Variants in WDFY4 observed in about 807,000 individuals in gnomAD.
The protein encoded by WDFY4 is WD repeat- and FYVE domain-containing protein 4.
In WDFY4, 169 loss-of-function variants were observed where a neutral mutation model predicts 351.9. That is an observed-to-expected ratio of 0.48 (90% confidence interval 0.42 to 0.55). WDFY4 has a LOEUF of 0.55. Among genes scored for constraint, WDFY4 ranks in the 20% least tolerant of loss-of-function variants. WDFY4 has a pLI of 0.00. For synonymous variants in WDFY4, 1,622 were observed against 1,574.6 expected (o/e 1.03, Z -0.71); for missense variants, 3,803 against 3,935.6 (o/e 0.97, Z 0.90).
At chr10:48,966,137 A>T (rs1408742845) in intron 54 of WDFY4, among the ~76,000 whole-genome samples, 1 of 152,178 alleles carries the variant, frequency 6.6e-6, no homozygotes, top group Non-Finnish European at 1.5e-5. Flanking sequence ...GAAAACTATG[A>T]GAAATAGGTT....
intron 24 of WDFY4, among the ~76,000 whole-genome samples, chr10:48,800,794 G>A (rs1188996606): frequency 6.9e-6 from 1 of 144,664 alleles, no homozygotes; most frequent in East Asian, 2.2e-4. Context: ...GGGCAGTGGT[G>A]CGATCTCAGC....
rs2066011739 is a variant in WDFY4 at position 48,775,772 on chromosome 10, A to C, written c.2829A>C (p.Ser943=). 6.4e-7 allele frequency: 1 copy of C among 1,551,650 alleles called. No individual in the cohort carries two copies. Among genetic ancestry groups the C allele is most frequent in the African/African-American group, 1.4e-5 (1 of 73,062 alleles). ...CGGCCACAACAAAAATCCTTGATTC[A>C]TCTCACACACACAGAGGCAACCCTG... ...SLSATTKILD[S]SHTHRGNPGC... is the part of the protein sequence containing the mutation. Residue 943 remains serine, a synonymous_variant, in exon 15 of 62, where the codon TCA becomes TCC. Coordinates refer to ENST00000325239, the MANE Select transcript of WDFY4 (RefSeq NM_001394531.1).
At chr10:48,820,801 G>T (rs982144006) in intron 33 of WDFY4, among the ~76,000 whole-genome samples, 1 of 152,114 alleles carries the variant, frequency 6.6e-6, no homozygotes, top group Admixed American at 6.5e-5. Context: ...TCCCAGGGCC[G>T]GCCCCACCTG....
chr10:48,705,575 G>C (rs1220429972), intron 1 of WDFY4, among the ~76,000 whole-genome samples: 1 of 152,202 alleles, frequency 6.6e-6, no homozygotes. Context: ...TAAAACTGGA[G>C]CAGGTGTGGC....
chr10:48,725,973 T>G lies in WDFY4; in HGVS notation c.684T>G (p.Leu228=). The change falls in exon 6 of 62, where the codon CTT becomes CTG. Residue 228 remains leucine, a synonymous_variant. Coordinates refer to ENST00000325239, the MANE Select transcript of WDFY4 (RefSeq NM_001394531.1). ...LQSLLIATTC[L]REHSCCFWKE... is the part of the protein sequence containing the mutation. Reference sequence around the variant, plus strand: ...CTCTGCTGATTGCCACGACCTGCCTTCGGGAGCACAGCTGCTGCTTCTGGA... The same window carrying G: ...CTCTGCTGATTGCCACGACCTGCCTGCGGGAGCACAGCTGCTGCTTCTGGA... The G allele has an allele frequency of 6.4e-7, 1 of 1,551,746 alleles. No homozygotes were observed. Among genetic ancestry groups the G allele is most frequent in the Non-Finnish European group, 8.7e-7 (1 of 1,147,008 alleles).
At chr10:48,769,391 C>A (rs1163417295) in intron 13 of WDFY4, among the ~76,000 whole-genome samples, 1 of 152,236 alleles carries the variant, frequency 6.6e-6, no homozygotes, top group East Asian at 1.9e-4. Context: ...TCAAGTAAAG[C>A]TCATCCGTAG....
chr10:48,976,918 AG>A lies in WDFY4; in HGVS notation c.9233del (p.Gly3078AlafsTer27). ...GCCATAACCTGCTGCTGCCTGATGG[AG>A]GGCCCAGCATGGGACACAAGCCAGA... Reference protein sequence around the residue: ...EGAITCCCLMEGPAWDTSQII... With the variant: ...EGAITCCCLMXGPAWDTSQII... On this transcript the variant is annotated frameshift_variant, in exon 59 of 62. Transcript: ENST00000325239. LOFTEE classifies it high-confidence loss of function. 1 of 1,536,472 alleles carries A rather than the reference AG, an allele frequency of 6.5e-7. No homozygotes were observed.
At chr10:48,826,546 A>C in intron 35 of WDFY4, 125 bp from the exon 36 acceptor site, 2 of 675,714 alleles carry the variant, frequency 3.0e-6, no homozygotes, top group Non-Finnish European at 5.1e-6. Context: ...TGAATCTATA[A>C]ATTACTTTGG....
intron 26 of WDFY4, among the ~76,000 whole-genome samples, chr10:48,805,737 T>G (rs2067232031): frequency 6.6e-6 from 1 of 152,180 alleles, no homozygotes; most frequent in Non-Finnish European, 1.5e-5. Flanking sequence ...TCCTGCAGAC[T>G]CCTGAAGAGC....
rs1645083083 is a variant in WDFY4 at position 48,725,288 on chromosome 10, G to C, written c.592-593G>C. On this transcript the variant is annotated intron_variant, in intron 5 of 61. Transcript: ENST00000325239. ...TGGACCCCCAAGAGCCCAGGGGGGA[G>C]CTGCAGTGGATAAAGTGAGTGAGAA... 3.3e-5 allele frequency among the ~76,000 whole-genome samples: 5 copies of C among 152,324 alleles called. No homozygotes were observed. The South Asian group carries it at 1.0e-3, about 32-fold the overall frequency.
intron 47 of WDFY4, among the ~76,000 whole-genome samples, chr10:48,933,982 A>T (rs892273404): frequency 6.6e-6 from 1 of 152,096 alleles, no homozygotes; most frequent in East Asian, 1.9e-4. Flanking sequence ...GCAGACAACC[A>T]CAGGGCTCAG....
chr10:48,706,173 G>A (rs929001253), intron 1 of WDFY4, among the ~76,000 whole-genome samples: 4 of 152,204 alleles, frequency 2.6e-5, no homozygotes, highest in African/African-American at 4.8e-5. Context: ...CCATCAGCAC[G>A]TAGGTTAATT....
At chr10:48,803,544 G>A (rs552509594) in intron 25 of WDFY4, among the ~76,000 whole-genome samples, 185 bp downstream of exon 25, 1 of 152,240 alleles carries the variant, frequency 6.6e-6, no homozygotes, top group Non-Finnish European at 1.5e-5. Flanking sequence ...GCCTCAGGAG[G>A]GCAGATGCTG....
chr10:48,876,817 A>C (rs2070032189), intron 42 of WDFY4, among the ~76,000 whole-genome samples: 1 of 152,232 alleles, frequency 6.6e-6, no homozygotes, highest in Non-Finnish European at 1.5e-5. Flanking sequence ...CTCCAGGATA[A>C]GTCAACTGGA....
chr10:48,834,278 A>T (rs113659751), intron 39 of WDFY4, among the ~76,000 whole-genome samples: 3 of 152,214 alleles, frequency 2.0e-5, no homozygotes, highest in Non-Finnish European at 4.4e-5. Context: ...TCTGAAAAAA[A>T]AAAAGAAAGT....
rs1283839760 is a variant in WDFY4 at position 48,966,631 on chromosome 10, T to A, written c.8542T>A (p.Tyr2848Asn). 2 of 1,551,904 alleles carry A rather than the reference T, an allele frequency of 1.3e-6. No homozygotes were observed. The highest frequency in any genetic ancestry group is 4.9e-5 in the East Asian group (2 of 40,916). ...SLPGHPQPFF[Y>N]SLQSLRPSQV... ...GCCTGGCCACCCACAGCCCTTTTTC[T>A]ACAGCCTGCAGTCGCTGAGGCCCTC... is the stretch of plus-strand genomic sequence containing the variant. Residue 2848 changes from tyrosine (Y) to asparagine (N), a missense_variant, in exon 55 of 62, where the codon TAC (tyrosine) becomes AAC (asparagine). Tyr to Asn is a moderately radical substitution (Grantham distance 143, BLOSUM62 -2). Transcript: ENST00000325239.
At chr10:48,962,119 T>C (rs1175867315) in intron 53 of WDFY4, among the ~76,000 whole-genome samples, 1 of 152,216 alleles carries the variant, frequency 6.6e-6, no homozygotes, top group Non-Finnish European at 1.5e-5. Flanking sequence ...GCCTATGATC[T>C]GCCCTCACCT....
At position 48,775,932 on chromosome 10, in the gene WDFY4, A is replaced by G. The variant is rs987958145; in HGVS notation, c.2863+126A>G. 8.3e-6 allele frequency: 7 copies of G among 845,388 alleles called. No homozygotes were observed. In the African/African-American group the frequency reaches 8.6e-5, roughly 10 times the overall value. 52.4% of individuals were successfully genotyped at this position (845,388 alleles called of 1,614,324 possible). On this transcript the variant is annotated intron_variant, in intron 15 of 61. Coordinates refer to ENST00000325239, the MANE Select transcript of WDFY4 (RefSeq NM_001394531.1). ...TTAAACATGGTTTTGTCTGCTGCTC[A>G]ATGCAGCAACTGAGGAAAAAGCAAA...
intron 44 of WDFY4, among the ~76,000 whole-genome samples, chr10:48,890,942 G>C (rs964358192): frequency 6.6e-6 from 1 of 152,188 alleles, no homozygotes; most frequent in African/African-American, 2.4e-5. Context: ...TAATGTGGCA[G>C]CTCCTCACAT....
Sources: allele counts gnomAD v4.1 joint callset (sites outside exome capture counted in the v4.1 genomes callset), GRCh38; gene constraint gnomAD v4.1.1; transcripts MANE v1.5; gene names NCBI Gene and HGNC (gene_info 2026-07-23, HGNC 2026-07-21).